The following TYW1 variants were observed in gnomAD, a reference collection of about 807,000 sequenced individuals.
The protein encoded by TYW1 is S-adenosyl-L-methionine-dependent tRNA 4-demethylwyosine synthase TYW1.
A neutral mutation model predicts 96.2 loss-of-function variants in TYW1; 46 were observed. The ratio of observed to expected loss-of-function variants is 0.48; its 90% CI spans 0.38 to 0.61. The LOEUF (loss-of-function observed/expected upper bound fraction) is 0.61, where lower values mean the gene tolerates loss of function less well. TYW1 is among the 20% of genes least tolerant of loss of function. The probability of loss-of-function intolerance (pLI) is 0.00; values close to 1 mark genes in which losing one functional copy is unlikely to be tolerated. For synonymous variants in TYW1, 274 were observed against 323.0 expected, an observed-to-expected ratio of 0.85 and a Z score of 1.63; for missense variants, 684 against 909.6, an observed-to-expected ratio of 0.75 and a Z score of 3.19.
At chr7:67,122,186 C>CT (rs57766905) in intron 13 of TYW1, among the ~76,000 whole-genome samples, 41,261 of 150,782 alleles carry the variant, frequency 0.27, 6,434 homozygotes, top group African/African-American at 0.43. Context: ...TTCTTGAAAC[C>CT]CATATTTAAA....
chr7:67,139,971 A>G (rs1309748334), intron 13 of TYW1, among the ~76,000 whole-genome samples: 1 of 152,104 alleles, frequency 6.6e-6, no homozygotes, highest in Non-Finnish European at 1.5e-5. Context: ...TTCACAAAAC[A>G]AAGAGGTTTA....
intron 9 of TYW1, among the ~76,000 whole-genome samples, chr7:67,066,709 A>G (rs1236160995): frequency 4.6e-5 from 7 of 152,166 alleles, no homozygotes; most frequent in Non-Finnish European, 1.0e-4. Flanking sequence ...ATAACCAGGC[A>G]TGGTGGCTCA....
chr7:67,061,605 T>C (rs1795697744), intron 9 of TYW1, among the ~76,000 whole-genome samples: 1 of 152,216 alleles, frequency 6.6e-6, no homozygotes, highest in Non-Finnish European at 1.5e-5. Context: ...AGGCATTCAA[T>C]GCACATTTTC....
At chr7:67,148,996 G>A (rs1180444657) in intron 13 of TYW1, among the ~76,000 whole-genome samples, 3 of 152,150 alleles carry the variant, frequency 2.0e-5, no homozygotes, top group East Asian at 1.9e-4. Flanking sequence ...AGAAGTCATC[G>A]CGCACCACCC....
intron 12 of TYW1, among the ~76,000 whole-genome samples, chr7:67,102,119 A>G (rs888416717): frequency 3.3e-5 from 5 of 152,222 alleles, no homozygotes; most frequent in African/African-American, 1.2e-4. Flanking sequence ...ATATCCCCCA[A>G]AAGAATGGAA....
At chr7:67,159,783 A>AATTTTATTTTATTTT (rs3071679) in intron 13 of TYW1, among the ~76,000 whole-genome samples, 75 of 147,634 alleles carry the variant, frequency 5.1e-4, no homozygotes, top group Middle Eastern at 3.4e-3. Flanking sequence ...AATATCACAA[A>AATTTTATTTTATTTT]ATTTTATTTT....
chr7:67,137,997 A>G (rs7809671), intron 13 of TYW1, among the ~76,000 whole-genome samples: 42,001 of 151,974 alleles, frequency 0.28, 6,619 homozygotes, highest in African/African-American at 0.44. Flanking sequence ...GGAGGTTGCT[A>G]CCGATCTGGA....
chr7:67,149,016 G>C (rs6460330), intron 13 of TYW1, among the ~76,000 whole-genome samples: 39,592 of 151,890 alleles, frequency 0.26, 5,657 homozygotes, highest in African/African-American at 0.38. Context: ...CCCAACCCCC[G>C]GTCTTGACTA....
At chr7:67,204,792 C>A (rs988663994) in intron 15 of TYW1, among the ~76,000 whole-genome samples, 1 of 152,020 alleles carries the variant, frequency 6.6e-6, no homozygotes. Flanking sequence ...TGGGGTTTCA[C>A]CATGTTGGCC....
intron 3 of TYW1, among the ~76,000 whole-genome samples, 190 bp from the exon 4 acceptor site, chr7:67,009,393 A>T (rs4717338): frequency 0.13 from 19,765 of 152,180 alleles, 1,492 homozygotes; most frequent in Admixed American, 0.15. Context: ...AACAACACAA[A>T]TGAATGATCT....
rs989303361 is a variant in TYW1 at position 66,997,641 on chromosome 7, G to A, written c.5-424G>A. Reference sequence around the variant, plus strand: ...TATTACAGTTGTTCCCCACCCCCCCGCCCCCGAGATGGAGCCTTGCTCTGT... The same window carrying A: ...TATTACAGTTGTTCCCCACCCCCCCACCCCCGAGATGGAGCCTTGCTCTGT... On this transcript the variant is annotated intron_variant, in intron 1 of 15. Coordinates refer to ENST00000359626, the MANE Select transcript of TYW1 (RefSeq NM_018264.4). Among the ~76,000 whole-genome samples the A allele has an allele frequency of 1.4e-4, 8 of 56,006 alleles. No homozygotes were observed. In the South Asian group the frequency reaches 5.8e-3, roughly 40 times the overall value. The allele number at this position is 56,006 out of a possible 152,430, so 36.7% of individuals were successfully genotyped here.
intron 6 of TYW1, among the ~76,000 whole-genome samples, chr7:67,023,994 A>G (rs1584475450): frequency 6.6e-6 from 1 of 152,104 alleles, no homozygotes; most frequent in East Asian, 1.9e-4. Context: ...TTGGGGACGT[A>G]GTAGATACTC....
At chr7:67,183,375 T>C (rs1404079621) in intron 14 of TYW1, 139 bp downstream of exon 14, 2 of 731,240 alleles carry the variant, frequency 2.7e-6, no homozygotes, top group Non-Finnish European at 4.5e-6. Context: ...GTGATCGATA[T>C]TCATCAAGAA....
At chr7:67,043,355 G>C (rs1203916728) in intron 7 of TYW1, among the ~76,000 whole-genome samples, 2 of 118,168 alleles carry the variant, frequency 1.7e-5, no homozygotes, top group Non-Finnish European at 3.4e-5. Context: ...AAAGCCCATT[G>C]CTACTTTTTT....
intron 15 of TYW1, among the ~76,000 whole-genome samples, chr7:67,206,115 C>G (rs534535780): frequency 4.1e-4 from 62 of 152,174 alleles, no homozygotes; most frequent in Non-Finnish European, 6.3e-4. Context: ...TAATGCCAAT[C>G]CAGATGGGAC....
chr7:67,197,972 G>GCCCC (rs1800458922), intron 15 of TYW1, among the ~76,000 whole-genome samples: 1 of 59,718 alleles, frequency 1.7e-5, no homozygotes, highest in Non-Finnish European at 3.3e-5. Context: ...CCCCGCCCCC[G>GCCCC]CAGCATACAC....
At chr7:67,175,056 G>A (rs2421415) in intron 13 of TYW1, among the ~76,000 whole-genome samples, 40,959 of 150,252 alleles carry the variant, frequency 0.27, 5,436 homozygotes, top group African/African-American at 0.38. Context: ...TGATTTCATC[G>A]TTGAATTATA....
intron 12 of TYW1, among the ~76,000 whole-genome samples, chr7:67,107,496 G>A (rs1379383375): frequency 1.3e-5 from 2 of 152,160 alleles, no homozygotes; most frequent in African/African-American, 4.8e-5. Flanking sequence ...TGTGGGCTAG[G>A]TTTGAATCTT....
chr7:67,096,590 T>G (rs1796924048), intron 11 of TYW1, among the ~76,000 whole-genome samples: 1 of 152,056 alleles, frequency 6.6e-6, no homozygotes, highest in Non-Finnish European at 1.5e-5. Context: ...GTTTTTTTTT[T>G]AACTCTTAAG....
Sources: gnomAD v4.1 joint callset for allele counts (sites outside exome capture counted in the v4.1 genomes callset) on GRCh38, gnomAD v4.1.1 for gene constraint, MANE v1.5 for transcripts, NCBI Gene and HGNC (gene_info 2026-07-23, HGNC 2026-07-21) for gene names.